PHLDB3: variants seen among roughly 807,000 people sequenced by gnomAD.
PHLDB3 encodes the protein pleckstrin homology like domain family B member 3, also known as pleckstrin homology-like domain family B member 3.
Under a neutral mutation model 85.7 loss-of-function variants are expected in PHLDB3, and 86 were observed. That is an observed-to-expected ratio of 1.00 (90% CI 0.84 to 1.20). PHLDB3 has a LOEUF of 1.20. PHLDB3 is among the 50% of genes most tolerant of loss of function. The pLI, the probability that PHLDB3 is intolerant of heterozygous loss-of-function variation, is 0.00. For missense variants in PHLDB3, 995 were observed against 873.0 expected (o/e 1.14, Z -1.76); for synonymous variants, 376 against 349.8 (o/e 1.07, Z -0.83).
At chr19:43,495,843 G>A (rs79145512) in intron 6 of PHLDB3, 52,506 of 564,850 alleles carry the variant, frequency 0.093, 3,926 homozygotes, top group East Asian at 0.32. Flanking sequence ...GATGGACAGA[G>A]AGAACAGTAA....
At chr19:43,478,460 G>C (rs922895773) in intron 14 of PHLDB3, among the ~76,000 whole-genome samples, 25 of 152,222 alleles carry the variant, frequency 1.6e-4, no homozygotes, top group African/African-American at 5.5e-4. Context: ...CTCTCCTGGA[G>C]GGGTAAGTAC....
In PHLDB3 at chr19:43,491,954, T is replaced by G. The variant is rs979077524; in HGVS notation, c.1149+2748A>C. Among the ~76,000 whole-genome samples, 169 of 144,510 alleles carry G rather than the reference T, an allele frequency of 1.2e-3. 2 individuals are homozygous for G. In the East Asian group the frequency reaches 0.026, roughly 22 times the overall value. The allele number at this position is 144,510 out of a possible 152,430, so 94.8% of individuals were successfully genotyped here. ...GCCACTGCACCTGGCCGTTTTTTTT[T>G]TTTTGTTTTTTTTTTTTTTGAGACA... On this transcript the variant is annotated intron_variant, in intron 9 of 15. Transcript: ENST00000292140.
chr19:43,487,576 A>AAAAAAAAAAAAAAAAC (rs1971203714), intron 9 of PHLDB3, among the ~76,000 whole-genome samples: 1 of 144,010 alleles, frequency 6.9e-6, no homozygotes, highest in Non-Finnish European at 1.5e-5. Flanking sequence ...CTCTGTCTCA[A>AAAAAAAAAAAAAAAAC]AAAAAAAAAA....
rs1429339735 is a variant in PHLDB3, at chr19:43,501,545, GC to G, written c.534+188del. ...CAAACGGACAGGGGACAAAGGAAGA[GC>G]CCCAAAAATCTCGCCCAGGGAGGGA... On this transcript the variant is annotated intron_variant, in intron 4 of 15. Transcript: ENST00000292140. 3.6e-6 allele frequency: 4 copies of G among 1,102,052 alleles called. No individual in the cohort carries two copies. In the African/African-American group the frequency reaches 4.8e-5, roughly 13 times the overall value. 68.3% of individuals were successfully genotyped at this position (1,102,052 alleles called of 1,614,324 possible).
At chr19:43,486,391 T>C (rs979744132) in intron 12 of PHLDB3, 69 bp from the exon 13 acceptor site, 2 of 1,456,450 alleles carry the variant, frequency 1.4e-6, no homozygotes, top group South Asian at 2.6e-5. Context: ...CTGGAGAATG[T>C]CCTAGCTTCT....
chr19:43,487,746 G>A (rs565497311), intron 9 of PHLDB3, among the ~76,000 whole-genome samples: 2 of 152,074 alleles, frequency 1.3e-5, no homozygotes, highest in Admixed American at 1.3e-4. Flanking sequence ...TTCTAAAATT[G>A]ATTGTGGTAA....
chr19:43,477,967 G>T, intron 15 of PHLDB3, 80 bp downstream of exon 15: 1 of 1,194,206 alleles, frequency 8.4e-7, no homozygotes, highest in Non-Finnish European at 1.2e-6. Context: ...GCTTTCCCCA[G>T]GATGAGCCAG....
rs747899773 is a variant in PHLDB3 at position 43,479,370 on chromosome 19, G to T, written c.1702+7C>A. The T allele has an allele frequency of 1.3e-6, 2 of 1,556,194 alleles. No individual in the cohort carries two copies. The highest frequency in any genetic ancestry group is 2.4e-5 in the South Asian group (2 of 84,230). ...CCTGGGGCCCATGGTGGCCAGGCTGGGCTTACCCGCATAGTAGGCCAAGCG... is the reference window on the plus strand; with the variant it reads ...CCTGGGGCCCATGGTGGCCAGGCTGTGCTTACCCGCATAGTAGGCCAAGCG... On this transcript the variant is annotated splice_region_variant and intron_variant, in intron 14 of 15. Coordinates refer to ENST00000292140, the MANE Select transcript of PHLDB3 (RefSeq NM_198850.4).
intron 4 of PHLDB3, among the ~76,000 whole-genome samples, chr19:43,499,848 TC>T (rs1465580895): frequency 1.3e-5 from 2 of 151,558 alleles, no homozygotes; most frequent in Non-Finnish European, 2.9e-5. Flanking sequence ...CAAGCAATTC[TC>T]CTGCCTCAGC....
In PHLDB3 at chr19:43,479,501, T is replaced by C; in HGVS notation, c.1578A>G (p.Pro526=). The change falls in exon 14 of 16, where the codon CCA becomes CCG. Residue 526 remains proline (P), a synonymous_variant. Coordinates refer to ENST00000292140, the MANE Select transcript of PHLDB3 (RefSeq NM_198850.4). ...AGCAGCACCCAGACACCTGCACATG[T>C]GGGCAGTTTTCCGGGTTGTGGCCCC... ...EGWGHNPENC[P]HVQVSGCCCR... is the part of the protein sequence containing the mutation. The C allele has an allele frequency of 7.6e-7, 1 of 1,321,178 alleles. No homozygotes were observed. Among genetic ancestry groups the C allele is most frequent in the East Asian group, 5.2e-5 (1 of 19,266 alleles). 81.8% of individuals were successfully genotyped at this position (1,321,178 alleles called of 1,614,324 possible). A position where few individuals can be genotyped will look rare whatever the true frequency, so the allele number is the denominator to read the frequency against.
chr19:43,481,959 A>C (rs1971057561), intron 13 of PHLDB3, among the ~76,000 whole-genome samples: 1 of 152,034 alleles, frequency 6.6e-6, no homozygotes, highest in African/African-American at 2.4e-5. Context: ...AGGTTTAAAG[A>C]GTACCCGCTG....
At position 43,475,293 on chromosome 19, in the gene PHLDB3, G is replaced by A; in HGVS notation, c.*117C>T. 1 of 1,375,186 alleles carries A rather than the reference G, an allele frequency of 7.3e-7. No individual in the cohort carries two copies. The highest frequency in any genetic ancestry group is 9.8e-7 in the Non-Finnish European group (1 of 1,019,362). The allele number at this position is 1,375,186 out of a possible 1,614,324, so 85.2% of individuals were successfully genotyped here. A position where few individuals can be genotyped will look rare whatever the true frequency, so the allele number is the denominator to read the frequency against. ...AACTGCCGCGCCTGCGGAATTCCCG[G>A]GAGAGTTCCAAAGCGGTGCGTCCAA... On this transcript the variant is annotated 3_prime_UTR_variant, in exon 16 of 16. Coordinates refer to ENST00000292140, the MANE Select transcript of PHLDB3 (RefSeq NM_198850.4).
intron 15 of PHLDB3, among the ~76,000 whole-genome samples, chr19:43,477,794 T>C (rs1196691213): frequency 6.8e-6 from 1 of 146,408 alleles, no homozygotes; most frequent in East Asian, 1.9e-4. Flanking sequence ...GGCGACAGAA[T>C]GAGACTCTGT....
intron 1 of PHLDB3, 32 bp from the exon 2 acceptor site, chr19:43,504,164 G>C (rs1568488001): frequency 1.3e-6 from 2 of 1,528,644 alleles, no homozygotes; most frequent in East Asian, 4.9e-5. Context: ...AAGCTCCGGG[G>C]GCGGGGCCTA....
At chr19:43,496,730 G>A (rs561685762) in intron 6 of PHLDB3, 4 of 234,550 alleles carry the variant, frequency 1.7e-5, no homozygotes, top group Non-Finnish European at 2.4e-5. Flanking sequence ...CTGTGAACGT[G>A]TCACTGCACT....
Position 43,487,047 on chromosome 19 carries a change from C to CG in PHLDB3, c.1225dup (p.Arg409ProfsTer9), listed in dbSNP as rs1262981894. 3 of 1,576,016 alleles carry CG rather than the reference C, an allele frequency of 1.9e-6. No individual in the cohort carries two copies. The highest frequency in any genetic ancestry group is 2.3e-5 in the East Asian group (1 of 43,898). ...ACCAGTACAATGGAAGGACAGAGGT[C>CG]GGGGGGATCCTCTCTGGCTCCCCCT... On this transcript the variant is annotated frameshift_variant, in exon 10 of 16. Transcript: ENST00000292140. LOFTEE classifies it high-confidence loss of function.
chr19:43,501,614 A>G, intron 4 of PHLDB3, 120 bp downstream of exon 4: 1 of 1,475,122 alleles, frequency 6.8e-7, no homozygotes, highest in Non-Finnish European at 9.0e-7. Context: ...CTCTCTCAGG[A>G]GCCCAAATGT....
At chr19:43,504,315 A>T (rs950919100) in intron 1 of PHLDB3, 183 bp from the exon 2 acceptor site, 1 of 622,872 alleles carries the variant, frequency 1.6e-6, no homozygotes, top group Non-Finnish European at 2.7e-6. Flanking sequence ...TGATGGCTCC[A>T]AGGCGACACG....
chr19:43,498,875 G>T (rs1171943306), intron 4 of PHLDB3, among the ~76,000 whole-genome samples: 1 of 152,210 alleles, frequency 6.6e-6, no homozygotes, highest in Non-Finnish European at 1.5e-5. Context: ...AAAAGTACAA[G>T]AAGTCTGGGG....
Sources: gnomAD v4.1 joint callset for allele counts (sites outside exome capture counted in the v4.1 genomes callset) on GRCh38, gnomAD v4.1.1 for gene constraint, MANE v1.5 for transcripts, NCBI Gene and HGNC (gene_info 2026-07-23, HGNC 2026-07-21) for gene names.